The following USP31 variants were observed in gnomAD, a reference collection of about 807,000 sequenced individuals.
The protein encoded by USP31 is ubiquitin carboxyl-terminal hydrolase 31.
Under a neutral mutation model 119.4 loss-of-function variants are expected in USP31, and 44 were observed. That is an observed-to-expected ratio of 0.37 (90% confidence interval 0.29 to 0.47). The LOEUF (loss-of-function observed/expected upper bound fraction) is 0.47, where lower values mean the gene tolerates loss of function less well. Among genes scored for constraint, USP31 ranks in the 20% least tolerant of loss-of-function variants. The probability of loss-of-function intolerance (pLI) is 0.99; values close to 1 mark genes in which losing one functional copy is unlikely to be tolerated. For missense variants in USP31, 1,643 were observed against 1,730.2 expected (o/e 0.95, Z 0.89); for synonymous variants, 749 against 705.6 (o/e 1.06, Z -0.97).
rs1415877060 is a variant in USP31, at chr16:23,062,342, CAAAAA to C, written c.*5699_*5703del. ...AAAACAAACAAAAAACAAAACAAAACAAAAACACGAAAAAATAGCAATAAGGGTTT... is the reference window on the plus strand; with the variant it reads ...AAAACAAACAAAAAACAAAACAAAACCACGAAAAAATAGCAATAAGGGTTT... On this transcript the variant is annotated 3_prime_UTR_variant, in exon 16 of 16. Coordinates refer to ENST00000219689, the MANE Select transcript of USP31 (RefSeq NM_020718.4). 9 of 148,078 alleles carry C rather than the reference CAAAAA, an allele frequency of 6.1e-5. No individual in the cohort carries two copies. The East Asian group carries it at 1.8e-3, about 29-fold the overall frequency. The allele number at this position is 148,078 out of a possible 1,614,324, so 9.2% of individuals were successfully genotyped here.
chr16:23,112,361 G>A (rs764046585), intron 1 of USP31, among the ~76,000 whole-genome samples: 10 of 151,928 alleles, frequency 6.6e-5, no homozygotes, highest in Non-Finnish European at 1.5e-4. Flanking sequence ...GGTGGATCAC[G>A]TGAGGTCAAG....
intron 1 of USP31, among the ~76,000 whole-genome samples, chr16:23,112,497 C>A (rs1902351580): frequency 6.6e-6 from 1 of 151,986 alleles, no homozygotes; most frequent in South Asian, 2.1e-4. Context: ...AATGCTTGAA[C>A]CCGGGAGGCA....
intron 1 of USP31, among the ~76,000 whole-genome samples, chr16:23,134,072 GTC>G (rs760529003): frequency 5.1e-4 from 72 of 140,232 alleles, no homozygotes; most frequent in East Asian, 1.0e-3. Flanking sequence ...GTGAGACCCT[GTC>G]TCTCTCTCTC....
rs575648360 is a variant in USP31, at chr16:23,126,637, A to T, written c.634-18454T>A. On this transcript the variant is annotated intron_variant, in intron 1 of 15. Coordinates refer to ENST00000219689, the MANE Select transcript of USP31 (RefSeq NM_020718.4). ...GCAAGACTCTGTCTCAAAAAAAAAAAAAAGAAATAAAAAAGGGACTCAGAG... is the reference window on the plus strand; with the variant it reads ...GCAAGACTCTGTCTCAAAAAAAAAATAAAGAAATAAAAAAGGGACTCAGAG... Among the ~76,000 whole-genome samples, 263 of 151,768 alleles carry T rather than the reference A, an allele frequency of 1.7e-3. 1 individual carries two copies. Among genetic ancestry groups the T allele is most frequent in the Middle Eastern group, 0.01 (3 of 292 alleles).
At chr16:23,123,289 G>A (rs780571281) in intron 1 of USP31, among the ~76,000 whole-genome samples, 41 of 152,112 alleles carry the variant, frequency 2.7e-4, no homozygotes, top group Non-Finnish European at 5.0e-4. Context: ...TGTAATCCTC[G>A]GACTCTGGGA....
chr16:23,068,412 T>G lies in USP31; in HGVS notation c.3693A>C (p.Ser1231=). Residue 1231 remains serine (S), a synonymous_variant, in exon 16 of 16, where the codon TCA becomes TCC. Coordinates refer to ENST00000219689, the MANE Select transcript of USP31 (RefSeq NM_020718.4). The stretch of plus-strand genomic sequence containing the variant: ...GCCGGGTTTCCTTCTGTCTCAAGGC[T>G]GATTTGAAGAAGGACAGCCCCTTGT... The part of the protein sequence containing the change: ...SEDKGLSFFK[S]ALRQKETRRS... The G allele has an allele frequency of 6.2e-7, 1 of 1,613,842 alleles. No individual in the cohort carries two copies. The highest frequency in any genetic ancestry group is 8.5e-7 in the Non-Finnish European group (1 of 1,180,030).
Position 23,148,737 on chromosome 16 carries a change from G to A in USP31, c.534C>T (p.Arg178=). 7 of 1,486,844 alleles carry A rather than the reference G, an allele frequency of 4.7e-6. No homozygotes were observed. The highest frequency in any genetic ancestry group is 6.2e-6 in the Non-Finnish European group (7 of 1,121,728). 92.1% of individuals were successfully genotyped at this position (1,486,844 alleles called of 1,614,324 possible). ...PSPDPEQPAG[R]GAQGQGEVTE... Reference sequence around the variant, plus strand: ...TGACCTCGCCCTGGCCCTGCGCGCCGCGGCCCGCAGGCTGCTCCGGGTCAG... The same window carrying A: ...TGACCTCGCCCTGGCCCTGCGCGCCACGGCCCGCAGGCTGCTCCGGGTCAG... Residue 178 remains arginine, a synonymous_variant, in exon 1 of 16, where the codon CGC becomes CGT. Transcript: ENST00000219689.
intron 6 of USP31, among the ~76,000 whole-genome samples, chr16:23,092,394 C>T (rs1236630850): frequency 6.6e-6 from 1 of 152,134 alleles, no homozygotes; most frequent in Non-Finnish European, 1.5e-5. Flanking sequence ...TATTGCACTG[C>T]TGGGTATAAC....
In USP31 at chr16:23,113,427, G is replaced by A. The variant is rs779419536; in HGVS notation, c.634-5244C>T. Among the ~76,000 whole-genome samples, 12 of 152,150 alleles carry A rather than the reference G, an allele frequency of 7.9e-5. 1 individual carries two copies. The highest frequency in any genetic ancestry group is 1.6e-4 in the Non-Finnish European group (11 of 68,036). On this transcript the variant is annotated intron_variant, in intron 1 of 15. Transcript: ENST00000219689. The stretch of plus-strand genomic sequence containing the variant: ...GGAAAAGGTCACGGAAAAGCTGCCC[G>A]TGAAGAAGCAAAGAGGTGGCAGCCA...
chr16:23,146,230 A>C (rs1903498448), intron 1 of USP31, among the ~76,000 whole-genome samples: 1 of 105,044 alleles, frequency 9.5e-6, no homozygotes, highest in Non-Finnish European at 1.8e-5. Flanking sequence ...AAAGAGGGGC[A>C]GTGTGGGGTG....
Position 23,105,451 on chromosome 16 carries a change from G to A in USP31, c.1079C>T (p.Pro360Leu). The change falls in exon 5 of 16, where the codon CCC becomes CTC. Residue 360 changes from proline to leucine, a missense_variant. Transcript: ENST00000219689. ...REAVSMETKI[P>L]TDQIVLTEMY... The stretch of plus-strand genomic sequence containing the variant: ...TAGCAGACTTATTACCTGATCAGTG[G>A]GGATCTTTGTTTCCATAGACACTGC... The A allele has an allele frequency of 6.2e-7, 1 of 1,613,662 alleles. No homozygotes were observed. Among genetic ancestry groups the A allele is most frequent in the East Asian group, 2.2e-5 (1 of 44,872 alleles).
chr16:23,118,245 G>A (rs1240035196), intron 1 of USP31, among the ~76,000 whole-genome samples: 2 of 152,160 alleles, frequency 1.3e-5, no homozygotes, highest in African/African-American at 4.8e-5. Flanking sequence ...CTGTACAGAT[G>A]CTATTATGTT....
intron 6 of USP31, 140 bp from the exon 7 acceptor site, chr16:23,090,944 T>C: frequency 1.3e-6 from 1 of 762,360 alleles, no homozygotes; most frequent in Non-Finnish European, 2.0e-6. Context: ...AAAAGAAACA[T>C]CCTACTTAGA....
intron 1 of USP31, among the ~76,000 whole-genome samples, chr16:23,118,358 T>C (rs1902564039): frequency 1.3e-5 from 2 of 152,198 alleles, no homozygotes; most frequent in Admixed American, 1.3e-4. Flanking sequence ...TCTAAAGCAT[T>C]AGTTCTCAAT....
chr16:23,099,202 A>G (rs2141864006), intron 6 of USP31, among the ~76,000 whole-genome samples: 1 of 152,354 alleles, frequency 6.6e-6, no homozygotes, highest in East Asian at 1.9e-4. Context: ...TATGCAGCCA[A>G]AAAACACATG....
At position 23,068,254 on chromosome 16, in the gene USP31, T is replaced by G. The variant is rs749144209; in HGVS notation, c.3851A>C (p.Asn1284Thr). 6 of 1,614,014 alleles carry G rather than the reference T, an allele frequency of 3.7e-6. No homozygotes were observed. The highest frequency in any genetic ancestry group is 1.3e-5 in the African/African-American group (1 of 74,922). The change falls in exon 16 of 16, where the codon AAT becomes ACT. Residue 1284 changes from asparagine (N) to threonine (T), a missense_variant. By Grantham distance (65) the Asn-to-Thr change is moderately conservative. Transcript: ENST00000219689. ...CTGCTCTTTTCCCGTTGTATTTGCA[T>G]TTGGCTGCTGGGAAGCTGGAGGCTG... ...GHQPPASQQP[N>T]ANTTGKEQLV...
chr16:23,149,023 G>C lies in USP31; in HGVS notation c.248C>G (p.Ala83Gly), dbSNP rs1170542197. The change falls in exon 1 of 16, where the codon GCC becomes GGC. Residue 83 changes from alanine to glycine, a missense_variant. Around this residue, in one of 5 missense-constraint regions of USP31, gnomAD observed 302 missense variants for 262.6 expected, o/e 1.15. Coordinates refer to ENST00000219689, the MANE Select transcript of USP31 (RefSeq NM_020718.4). ...GCGGAGGCCGCCGCGGTCTGGGGCG[G>C]CGCCCTCAGAGCTAAGGTGCGAGAG... The part of the protein sequence containing the change: ...STLSHLSSEG[A>G]APDRGGLRSC... 8.6e-7 allele frequency: 1 copy of C among 1,168,414 alleles called. No homozygotes were observed. The highest frequency in any genetic ancestry group is 1.1e-6 in the Non-Finnish European group (1 of 927,696). 72.4% of individuals were successfully genotyped at this position (1,168,414 alleles called of 1,614,324 possible). A position where few individuals can be genotyped will look rare whatever the true frequency, so the allele number is the denominator to read the frequency against.
chr16:23,070,253 AAAGG>A (rs1307532163), intron 15 of USP31, among the ~76,000 whole-genome samples: 22 of 152,314 alleles, frequency 1.4e-4, no homozygotes, highest in Admixed American at 1.2e-3. Context: ...ACAACTCATT[AAAGG>A]AAGAGCTAAT....
rs1289940972 is a variant in USP31, at chr16:23,090,485, G to A, written c.1415+139C>T. ...CCAACCCCCCAAATCAGGTCAACTT[G>A]TACATGTATTCTTTCTAAATATCAG... On this transcript the variant is annotated intron_variant, in intron 7 of 15. Transcript: ENST00000219689. 2.0e-5 allele frequency: 18 copies of A among 888,010 alleles called. No individual in the cohort carries two copies. In the East Asian group the frequency reaches 3.8e-4, roughly 19 times the overall value. The allele number at this position is 888,010 out of a possible 1,614,324, so 55.0% of individuals were successfully genotyped here. A position where few individuals can be genotyped will look rare whatever the true frequency, so the allele number is the denominator to read the frequency against.
Sources: gnomAD v4.1 joint callset for allele counts (sites outside exome capture counted in the v4.1 genomes callset) on GRCh38, gnomAD v4.1.1 for gene constraint, gnomAD v4.1.1 regional missense constraint, MANE v1.5 for transcripts, NCBI Gene and HGNC (gene_info 2026-07-23, HGNC 2026-07-21) for gene names.